SWT1: variants seen among roughly 807,000 people sequenced by gnomAD.
SWT1 encodes the protein transcriptional protein SWT1.
In SWT1, 33 loss-of-function variants were observed where a neutral mutation model predicts 107.3. The ratio of observed to expected loss-of-function variants is 0.31; its 90% CI spans 0.23 to 0.41. SWT1 has a LOEUF of 0.41. SWT1 is among the 10% of genes least tolerant of loss of function. The pLI is 1.00. For synonymous variants in SWT1, 345 were observed against 348.3 expected, an observed-to-expected ratio of 0.99 and a Z score of 0.11; for missense variants, 898 against 1,028.9, an observed-to-expected ratio of 0.87 and a Z score of 1.74.
chr1:185,261,533 C>T (rs533656303), intron 16 of SWT1, among the ~76,000 whole-genome samples: 3 of 152,152 alleles, frequency 2.0e-5, no homozygotes, highest in East Asian at 1.9e-4. Context: ...TACACTGGAC[C>T]GTATGGTAAT....
At chr1:185,166,784 A>T (rs1654611116) in intron 3 of SWT1, 132 bp downstream of exon 3, 1 of 604,342 alleles carries the variant, frequency 1.7e-6, no homozygotes, top group African/African-American at 1.9e-5. Context: ...TCTTCTACTC[A>T]CCAAACCATT....
chr1:185,201,058 A>G (rs1034302890), intron 10 of SWT1, among the ~76,000 whole-genome samples: 2 of 152,066 alleles, frequency 1.3e-5, no homozygotes, highest in Non-Finnish European at 2.9e-5. Context: ...TGTGAGGGTA[A>G]AACTGCCTAC....
At chr1:185,267,156 A>G (rs1324881940) in intron 16 of SWT1, among the ~76,000 whole-genome samples, 2 of 152,192 alleles carry the variant, frequency 1.3e-5, no homozygotes, top group Admixed American at 6.5e-5. Context: ...TTTGGTTTCT[A>G]CATCTGAAAA....
chr1:185,207,342 G>T (rs1315190400), intron 13 of SWT1, among the ~76,000 whole-genome samples: 1 of 152,178 alleles, frequency 6.6e-6, no homozygotes, highest in African/African-American at 2.4e-5. Context: ...TGCCTCTGCT[G>T]CCACAGATGG....
intron 1 of SWT1, among the ~76,000 whole-genome samples, chr1:185,159,687 G>A (rs1054075684): frequency 1.3e-5 from 2 of 151,900 alleles, no homozygotes; most frequent in Admixed American, 1.3e-4. Flanking sequence ...TATGCAAGAT[G>A]TATATGTACA....
At chr1:185,193,288 T>A (rs1195503311) in intron 10 of SWT1, among the ~76,000 whole-genome samples, 1 of 152,172 alleles carries the variant, frequency 6.6e-6, no homozygotes, top group African/African-American at 2.4e-5. Flanking sequence ...CTTTTAAATT[T>A]GTTAAAGTTT....
chr1:185,284,929 G>A (rs1664861390), intron 18 of SWT1, among the ~76,000 whole-genome samples: 1 of 151,188 alleles, frequency 6.6e-6, no homozygotes, highest in Non-Finnish European at 1.5e-5. Context: ...CTGTTTTCTG[G>A]AGGTACTTAC....
intron 10 of SWT1, among the ~76,000 whole-genome samples, chr1:185,195,501 T>A (rs1374621046): frequency 6.6e-6 from 1 of 152,218 alleles, no homozygotes; most frequent in Admixed American, 6.5e-5. Context: ...TATAATCCTT[T>A]GGGTATGTAC....
At chr1:185,252,431 T>A (rs1662110754) in intron 16 of SWT1, among the ~76,000 whole-genome samples, 1 of 152,210 alleles carries the variant, frequency 6.6e-6, no homozygotes, top group Non-Finnish European at 1.5e-5. Context: ...CTCCACATCC[T>A]CTCCAGCACC....
intron 16 of SWT1, among the ~76,000 whole-genome samples, chr1:185,243,271 G>C (rs1264422521): frequency 6.6e-6 from 1 of 152,012 alleles, no homozygotes; most frequent in African/African-American, 2.4e-5. Context: ...ACCACACACA[G>C]CCTATTTTTT....
chr1:185,246,954 T>C (rs955389476), intron 16 of SWT1, among the ~76,000 whole-genome samples: 1 of 152,148 alleles, frequency 6.6e-6, no homozygotes, highest in African/African-American at 2.4e-5. Flanking sequence ...AAAGATCTTC[T>C]AAGATCATTT....
intron 18 of SWT1, among the ~76,000 whole-genome samples, chr1:185,284,312 TTC>T (rs1484188681): frequency 1.3e-5 from 2 of 152,238 alleles, no homozygotes. Context: ...TTGGCTTTCT[TTC>T]TGTTATTAGA....
In SWT1 at chr1:185,174,541, C is replaced by T; in HGVS notation, c.394C>T (p.Pro132Ser). Reference protein sequence around the residue: ...KDIHKCVDFKPKDIKLTNAGS... With the variant: ...KDIHKCVDFKSKDIKLTNAGS... ...CATACATAAATGTGTAGACTTTAAACCTAAAGATATCAAATTGACAAATGC... is the reference window on the plus strand; with the variant it reads ...CATACATAAATGTGTAGACTTTAAATCTAAAGATATCAAATTGACAAATGC... The change falls in exon 5 of 19, where the codon CCT (proline) becomes TCT (serine). Residue 132 changes from proline (P) to serine (S), a missense_variant. By Grantham distance (74) the Pro-to-Ser change is moderately conservative. Around this residue, in one of 6 missense-constraint regions of SWT1, gnomAD observed 382 missense variants for 362.4 expected, o/e 1.05. Coordinates refer to ENST00000367500, the MANE Select transcript of SWT1 (RefSeq NM_017673.7). 1 of 1,608,558 alleles carries T rather than the reference C, an allele frequency of 6.2e-7. No homozygotes were observed. Among genetic ancestry groups the T allele is most frequent in the Non-Finnish European group, 8.5e-7 (1 of 1,178,534 alleles).
intron 15 of SWT1, among the ~76,000 whole-genome samples, chr1:185,224,858 G>C (rs11806863): frequency 1.3e-5 from 2 of 151,866 alleles, no homozygotes; most frequent in Non-Finnish European, 1.5e-5. Context: ...AGACATTTTC[G>C]GTGGAGTCTT....
At chr1:185,217,084 T>A (rs1221865803) in intron 14 of SWT1, among the ~76,000 whole-genome samples, 2 of 152,250 alleles carry the variant, frequency 1.3e-5, no homozygotes, top group East Asian at 3.8e-4. Flanking sequence ...TCTAGCATCC[T>A]AATAGTGCTT....
At chr1:185,198,121 G>A (rs1657557018) in intron 10 of SWT1, among the ~76,000 whole-genome samples, 1 of 152,120 alleles carries the variant, frequency 6.6e-6, no homozygotes, top group Non-Finnish European at 1.5e-5. Flanking sequence ...GTGTCCCAGA[G>A]ATTCTGTAAC....
chr1:185,175,747 A>G (rs1655492436), intron 5 of SWT1, among the ~76,000 whole-genome samples: 1 of 152,074 alleles, frequency 6.6e-6, no homozygotes, highest in South Asian at 2.1e-4. Context: ...ATGCTGGAGA[A>G]CACTCGGGAC....
chr1:185,253,751 C>G (rs1300683672), intron 16 of SWT1, among the ~76,000 whole-genome samples: 2 of 151,844 alleles, frequency 1.3e-5, no homozygotes, highest in African/African-American at 2.4e-5. Context: ...TTCTCTTTTC[C>G]TAATTGAATA....
intron 18 of SWT1, among the ~76,000 whole-genome samples, chr1:185,289,249 T>C (rs1203967313): frequency 6.6e-6 from 1 of 152,226 alleles, no homozygotes; most frequent in African/African-American, 2.4e-5. Flanking sequence ...TAAAAGCACT[T>C]AGTTGCACAA....
Sources: gnomAD v4.1 joint callset for allele counts (sites outside exome capture counted in the v4.1 genomes callset) on GRCh38, gnomAD v4.1.1 for gene constraint, gnomAD v4.1.1 regional missense constraint, MANE v1.5 for transcripts, NCBI Gene and HGNC (gene_info 2026-07-23, HGNC 2026-07-21) for gene names.